Variants in CIB1 observed in about 807,000 individuals in gnomAD.
CIB1 encodes the protein calcium and integrin binding 1.
A neutral mutation model predicts 25.0 loss-of-function variants in CIB1; 19 were observed. That is an observed-to-expected ratio of 0.76 (90% confidence interval 0.53 to 1.12). CIB1 has a LOEUF of 1.12. Among genes scored for constraint, CIB1 ranks in the 50% most tolerant of loss-of-function variants. CIB1 has a pLI of 0.00. For synonymous variants in CIB1, 104 were observed against 98.5 expected (o/e 1.06, Z -0.33); for missense variants, 236 against 242.6 (o/e 0.97, Z 0.18).
At chr15:90,242,253 CTT>C in the CIB1 span, 3,010 of 88,624 alleles carry the variant, frequency 0.034, 64 homozygotes, top group African/African-American at 0.085. Flanking sequence ...ACACACCTGG[CTT>C]TTTTTTTTTT....
chr15:90,241,503 C>G, the CIB1 span: 5 of 1,613,652 alleles, frequency 3.1e-6, no homozygotes, highest in Admixed American at 6.7e-5. Context: ...GAGCTTACAC[C>G]CGGGCTTCCG....
At chr15:90,243,659 T>TG in the CIB1 span, 1 of 114,216 alleles carries the variant, frequency 8.8e-6, no homozygotes, top group Admixed American at 1.0e-4. Flanking sequence ...TTTTTTTTTT[T>TG]TTTTTTTTTT....
At chr15:90,261,352 T>G in the CIB1 span, among the ~76,000 whole-genome samples, 4 of 150,744 alleles carry the variant, frequency 2.7e-5, no homozygotes, top group Admixed American at 6.6e-5. Context: ...GTGCTTGCAT[T>G]ACAGGCGTGA....
chr15:90,248,718 CAAAAAAAAAAAAAAAAAAAAAAAA>C, the CIB1 span, among the ~76,000 whole-genome samples: 315 of 27,798 alleles, frequency 0.011, 12 homozygotes, highest in Non-Finnish European at 0.017. Context: ...GACCCTGTCT[CAAAAAAAAAAAAAAAAAAAAAAAA>C]AAAAAAAAAA....
chr15:90,251,409 C>A, the CIB1 span: 3,755 of 814,016 alleles, frequency 4.6e-3, 85 homozygotes, highest in African/African-American at 0.053. Context: ...CAGGCATGAG[C>A]CACCGCGCCC....
In CIB1 at chr15:90,233,695, C is replaced by G. The variant is rs201187361; in HGVS notation, c.60G>C (p.Thr20=). The change falls in exon 2 of 7, where the codon ACG becomes ACC. Residue 20 remains threonine (T), a synonymous_variant. Coordinates refer to ENST00000328649, the MANE Select transcript of CIB1 (RefSeq NM_006384.4). ...GGAGGATCTCCTGCTTCGTCAGGAA[C>G]GTCAAGTCCTGGAAGGCAAAGCCAG... The part of the protein sequence containing the change: ...KELLAEYQDL[T]FLTKQEILLA... 6.3e-7 allele frequency: 1 copy of G among 1,576,478 alleles called. No individual in the cohort carries two copies. Among genetic ancestry groups the G allele is most frequent in the African/African-American group, 1.3e-5 (1 of 74,108 alleles).
the CIB1 span, among the ~76,000 whole-genome samples, chr15:90,240,291 G>A: frequency 0.021 from 3,143 of 151,116 alleles, 109 homozygotes; most frequent in African/African-American, 0.072. Context: ...GAGGGTCACC[G>A]GAGGTCAGGA....
At chr15:90,252,230 T>A in the CIB1 span, among the ~76,000 whole-genome samples, 1 of 151,886 alleles carries the variant, frequency 6.6e-6, no homozygotes, top group Non-Finnish European at 1.5e-5. Context: ...GTAGACAGAG[T>A]TTCTCCATGT....
At chr15:90,231,634 G>T in intron 3 of CIB1, 127 bp from the exon 4 acceptor site, 1 of 1,102,740 alleles carries the variant, frequency 9.1e-7, no homozygotes, top group Non-Finnish European at 1.3e-6. Context: ...AACAGTCAGT[G>T]CTTTGGGGCC....
chr15:90,241,530 C>T, the CIB1 span: 3 of 1,613,596 alleles, frequency 1.9e-6, no homozygotes, highest in East Asian at 2.2e-5. Flanking sequence ...CTTCAACAGC[C>T]TGGGAGGCTT....
At chr15:90,253,368 G>C in the CIB1 span, 1 of 1,610,096 alleles carries the variant, frequency 6.2e-7, no homozygotes. Flanking sequence ...GAGGTTTCAG[G>C]TACCCATCTC....
chr15:90,265,748 C>A, the CIB1 span: 2 of 1,613,148 alleles, frequency 1.2e-6, no homozygotes, highest in Non-Finnish European at 1.7e-6. Context: ...TGGGCGGGCG[C>A]GTTTGCGCCG....
At chr15:90,251,607 C>G in the CIB1 span, 4 of 1,613,454 alleles carry the variant, frequency 2.5e-6, no homozygotes, top group South Asian at 4.4e-5. Context: ...AAGCACCCAG[C>G]CCGTCGCTCA....
rs1596172920 is a variant in CIB1, at chr15:90,233,499, C to CA, written c.86+169_86+170insT. Among the ~76,000 whole-genome samples, 4 of 152,306 alleles carry CA rather than the reference C, an allele frequency of 2.6e-5. No homozygotes were observed. The South Asian group carries it at 8.3e-4, about 32-fold the overall frequency. On this transcript the variant is annotated intron_variant, in intron 2 of 6. Coordinates refer to ENST00000328649, the MANE Select transcript of CIB1 (RefSeq NM_006384.4). ...GCCACGCTGGGGCCTCAGGCGAGGG[C>CA]GGGGAGGGCGTGCCGGGAGGAGGGC...
At chr15:90,256,573 CTTT>C in the CIB1 span, among the ~76,000 whole-genome samples, 13,700 of 56,278 alleles carry the variant, frequency 0.24, 934 homozygotes, top group East Asian at 0.38. Context: ...TTCTTTCTTT[CTTT>C]CTTTCTTTCT....
At chr15:90,247,338 G>A in the CIB1 span, among the ~76,000 whole-genome samples, 2 of 133,098 alleles carry the variant, frequency 1.5e-5, no homozygotes, top group Admixed American at 8.0e-5. Context: ...TCGCTGTATT[G>A]CCCAGCCTGG....
chr15:90,230,915 A>AGGG lies in CIB1; in HGVS notation c.554+16_554+18dup. 1 of 1,604,174 alleles carries AGGG rather than the reference A, an allele frequency of 6.2e-7. No individual in the cohort carries two copies. The highest frequency in any genetic ancestry group is 8.5e-7 in the Non-Finnish European group (1 of 1,171,152). ...CGGAACCTGCAGGTACCCAGAATGA[A>AGGG]GGGGGACCACTGTCATACCTGGCAA... On this transcript the variant is annotated intron_variant, in intron 6 of 6. Transcript: ENST00000328649.
chr15:90,256,095 G>A, the CIB1 span: 1 of 1,604,218 alleles, frequency 6.2e-7, no homozygotes, highest in Non-Finnish European at 8.5e-7. Context: ...CCCCGGGAAA[G>A]CCTTGATGCA....
At chr15:90,251,112 G>GTTTTTTTTT in the CIB1 span, among the ~76,000 whole-genome samples, 14 of 97,144 alleles carry the variant, frequency 1.4e-4, no homozygotes, top group African/African-American at 2.1e-4. Flanking sequence ...ATCCTGGTCT[G>GTTTTTTTTT]TCTTTTTTTT....
Sources: allele counts gnomAD v4.1 joint callset (sites outside exome capture counted in the v4.1 genomes callset), GRCh38; gene constraint gnomAD v4.1.1; transcripts MANE v1.5; gene names NCBI Gene and HGNC (gene_info 2026-07-23, HGNC 2026-07-21).